PLEKHA4: variants seen among roughly 807,000 people sequenced by gnomAD.
PLEKHA4 encodes the protein pleckstrin homology domain-containing family A member 4.
PLEKHA4 carries 73 observed loss-of-function variants against 94.7 expected under a neutral mutation model. The observed-to-expected ratio is 0.77, with a 90% CI of 0.64 to 0.94. PLEKHA4 has a LOEUF of 0.94. Among genes scored for constraint, PLEKHA4 ranks in the 40% least tolerant of loss-of-function variants. PLEKHA4 has a pLI of 0.00. For missense variants in PLEKHA4, 1,049 were observed against 1,054.1 expected, an observed-to-expected ratio of 1.00 and a Z score of 0.07; for synonymous variants, 449 against 437.1, an observed-to-expected ratio of 1.03 and a Z score of -0.34.
intron 3 of PLEKHA4, among the ~76,000 whole-genome samples, 182 bp downstream of exon 3, chr19:48,865,321 C>T (rs1447782397): frequency 6.6e-6 from 1 of 151,810 alleles, no homozygotes; most frequent in African/African-American, 2.4e-5. Context: ...CCAGCCTGGG[C>T]GACAGAAAGA....
chr19:48,848,272 G>A (rs2036045439), intron 13 of PLEKHA4, among the ~76,000 whole-genome samples: 1 of 147,268 alleles, frequency 6.8e-6, no homozygotes, highest in South Asian at 2.2e-4. Context: ...GGATCACGAG[G>A]TCAGGAGATC....
chr19:48,845,360 T>C lies in PLEKHA4; in HGVS notation c.1743+10A>G. On this transcript the variant is annotated intron_variant, in intron 16 of 19. Transcript: ENST00000263265. The stretch of plus-strand genomic sequence containing the variant: ...AGATGCAAGGATTACAGGATGGACC[T>C]ACAGCTTACCTTGGTTCCTAGCTGT... 1 of 1,611,536 alleles carries C rather than the reference T, an allele frequency of 6.2e-7. No individual in the cohort carries two copies. The highest frequency in any genetic ancestry group is 8.5e-7 in the Non-Finnish European group (1 of 1,179,080).
rs754549691 is a variant in PLEKHA4 at position 48,865,600 on chromosome 19, C to G, written c.95G>C (p.Arg32Pro). The change falls in exon 3 of 20, where the codon CGG becomes CCG. Residue 32 changes from arginine (R) to proline (P), a missense_variant. Coordinates refer to ENST00000263265, the MANE Select transcript of PLEKHA4 (RefSeq NM_020904.3). ...LSSLSPKKPTRAVNKIHAFGK... is the reference protein window; with the variant it reads ...LSSLSPKKPTPAVNKIHAFGK... ...AAAGGCGTGGATCTTGTTTACTGCCCGGGTGGGCTTCTGAGGAGAGAAGGG... is the reference window on the plus strand; with the variant it reads ...AAAGGCGTGGATCTTGTTTACTGCCGGGGTGGGCTTCTGAGGAGAGAAGGG... The G allele has an allele frequency of 8.7e-6, 14 of 1,612,900 alleles. No homozygotes were observed. The highest frequency in any genetic ancestry group is 1.3e-5 in the African/African-American group (1 of 74,790).
chr19:48,841,509 C>A (rs1265049346), intron 16 of PLEKHA4, among the ~76,000 whole-genome samples, 199 bp from the exon 17 acceptor site: 1 of 151,922 alleles, frequency 6.6e-6, no homozygotes, highest in East Asian at 1.9e-4. Context: ...CACCTGTAAT[C>A]CTAATTACTC....
chr19:48,859,412 G>C, intron 7 of PLEKHA4, 57 bp downstream of exon 7: 1 of 1,586,758 alleles, frequency 6.3e-7, no homozygotes, highest in Non-Finnish European at 8.6e-7. Flanking sequence ...CCCCCAACCA[G>C]TTTCCGGCCC....
chr19:48,867,105 G>A lies in PLEKHA4; in HGVS notation c.84+432C>T, dbSNP rs148523380. ...TCCCTAAGCTTTTGGCTGGGATGCC[G>A]ATTTGGGATGCAAGTATCTGGAGGC... On this transcript the variant is annotated intron_variant, in intron 2 of 19. Coordinates refer to ENST00000263265, the MANE Select transcript of PLEKHA4 (RefSeq NM_020904.3). This position sits in a 1 kb window ranked among gnomAD's most constrained non-coding sequence, Gnocchi z 4.7. Among the ~76,000 whole-genome samples, 4 of 152,270 alleles carry A rather than the reference G, an allele frequency of 2.6e-5. No homozygotes were observed. The South Asian group carries it at 6.2e-4, about 24-fold the overall frequency.
At chr19:48,858,651 G>A (rs989391969) in intron 8 of PLEKHA4, among the ~76,000 whole-genome samples, 5 of 97,106 alleles carry the variant, frequency 5.1e-5, no homozygotes, top group Non-Finnish European at 9.3e-5. Context: ...AAAAGCAATG[G>A]CCGAAGACCA....
intron 17 of PLEKHA4, among the ~76,000 whole-genome samples, chr19:48,839,724 T>C (rs116635958): frequency 0.018 from 2,784 of 151,068 alleles, 82 homozygotes; most frequent in African/African-American, 0.064. Flanking sequence ...TAACTTTACC[T>C]GTGTTCCTAT....
intron 18 of PLEKHA4, 44 bp downstream of exon 18, chr19:48,839,161 A>T: frequency 1.3e-6 from 2 of 1,500,416 alleles, no homozygotes; most frequent in South Asian, 2.5e-5. Context: ...TGCTTTTGCA[A>T]ATTTTTTTTT....
At chr19:48,838,460 TAAA>T (rs34936332) in intron 18 of PLEKHA4, 8 of 123,050 alleles carry the variant, frequency 6.5e-5, no homozygotes, top group South Asian at 2.6e-4. Flanking sequence ...AATTAAAAAT[TAAA>T]AAAAAAAAAA....
At position 48,865,154 on chromosome 19, in the gene PLEKHA4, G is replaced by GC. The variant is rs138211060; in HGVS notation, c.192+348dup. The stretch of plus-strand genomic sequence containing the variant: ...AGGTCGGGAGTTTCAGACCGCCCTG[G>GC]CCAACATGATAAAACCCCATCTCTA... On this transcript the variant is annotated intron_variant, in intron 3 of 19. Coordinates refer to ENST00000263265, the MANE Select transcript of PLEKHA4 (RefSeq NM_020904.3). Among the ~76,000 whole-genome samples, 890 of 152,030 alleles carry GC rather than the reference G, an allele frequency of 5.9e-3. 7 individuals are homozygous for GC. Among genetic ancestry groups the GC allele is most frequent in the African/African-American group, 0.02 (840 of 41,438 alleles).
Position 48,837,334 on chromosome 19 carries a change from CTCG to C in PLEKHA4, c.2292_2294del (p.Asp764del). 6.2e-7 allele frequency: 1 copy of C among 1,613,950 alleles called. No individual in the cohort carries two copies. Among genetic ancestry groups the C allele is most frequent in the South Asian group, 1.1e-5 (1 of 91,088 alleles). On this transcript the variant is annotated inframe_deletion, in exon 20 of 20. Coordinates refer to ENST00000263265, the MANE Select transcript of PLEKHA4 (RefSeq NM_020904.3). This position sits in a 1 kb window ranked among gnomAD's most constrained non-coding sequence, Gnocchi z 4.3. ...GAGTGACTCGCAGAGGCCATGCCCC[CTCG>C]TCTTGTGGCAGGACCGGAGGGGCGA... is the stretch of plus-strand genomic sequence containing the variant.
intron 3 of PLEKHA4, 73 bp from the exon 4 acceptor site, chr19:48,861,765 G>A (rs1253415221): frequency 1.5e-6 from 2 of 1,326,324 alleles, no homozygotes; most frequent in Non-Finnish European, 2.1e-6. Context: ...GTGACGATGG[G>A]GACAGAGAGC....
In PLEKHA4 at chr19:48,854,030, TCTC is replaced by T. The variant is rs1397088304; in HGVS notation, c.1150_1152del (p.Glu384del). On this transcript the variant is annotated inframe_deletion, in exon 11 of 20. Coordinates refer to ENST00000263265, the MANE Select transcript of PLEKHA4 (RefSeq NM_020904.3). ...ACCTTCTCCTCCTGCTTCTGGTCTA[TCTC>T]CTCCTGCAGCCTCCGCAGAAGCCGG... is the stretch of plus-strand genomic sequence containing the variant. 5 of 1,613,884 alleles carry T rather than the reference TCTC, an allele frequency of 3.1e-6. No individual in the cohort carries two copies. The highest frequency in any genetic ancestry group is 1.3e-5 in the African/African-American group (1 of 74,860).
At chr19:48,853,215 C>T (rs981146139) in intron 12 of PLEKHA4, among the ~76,000 whole-genome samples, 13 of 151,956 alleles carry the variant, frequency 8.6e-5, no homozygotes, top group African/African-American at 1.2e-4. Context: ...CTCATTTTCA[C>T]GTATCACATA....
rs370885533 is a variant in PLEKHA4 at position 48,841,211 on chromosome 19, G to C, written c.1843C>G (p.Arg615Gly). ...GRPFPRPTSPRLLTLGRTLSP... is the reference protein window; with the variant it reads ...GRPFPRPTSPGLLTLGRTLSP... Reference sequence around the variant, plus strand: ...AGTGTCCTTCCCAGGGTGAGAAGCCGGGGGGAGGTCGGGCGAGGGAAGGGC... The same window carrying C: ...AGTGTCCTTCCCAGGGTGAGAAGCCCGGGGGAGGTCGGGCGAGGGAAGGGC... Residue 615 changes from arginine (R) to glycine (G), a missense_variant, in exon 17 of 20, where the codon CGG becomes GGG. Transcript: ENST00000263265. The C allele has an allele frequency of 3.1e-6, 5 of 1,612,676 alleles. No individual in the cohort carries two copies. Among genetic ancestry groups the C allele is most frequent in the East Asian group, 2.2e-5 (1 of 44,850 alleles).
intron 13 of PLEKHA4, among the ~76,000 whole-genome samples, 163 bp downstream of exon 13, chr19:48,852,065 G>A (rs553815584): frequency 6.6e-6 from 1 of 152,222 alleles, no homozygotes; most frequent in South Asian, 2.1e-4. Context: ...CAAAGGGCAT[G>A]GTCTTAACTA....
chr19:48,861,295 G>A, intron 5 of PLEKHA4, 106 bp downstream of exon 5: 1 of 925,414 alleles, frequency 1.1e-6, no homozygotes, highest in Admixed American at 1.8e-5. Flanking sequence ...CTCCAGTAAT[G>A]GATATTCCAG....
chr19:48,857,514 A>G lies in PLEKHA4; in HGVS notation c.973-18T>C, dbSNP rs747874111. ...GAGTGTGCCTGGGAGGAACGTTGAA[A>G]TGGAGATGTTTAGAAACTGGCATGT... is the stretch of plus-strand genomic sequence containing the variant. On this transcript the variant is annotated intron_variant, in intron 8 of 19. Transcript: ENST00000263265. 41 of 1,464,696 alleles carry G rather than the reference A, an allele frequency of 2.8e-5. No homozygotes were observed. Among genetic ancestry groups the G allele is most frequent in the Non-Finnish European group, 3.7e-5 (39 of 1,061,734 alleles). The allele number at this position is 1,464,696 out of a possible 1,614,324, so 90.7% of individuals were successfully genotyped here. A position where few individuals can be genotyped will look rare whatever the true frequency, so the allele number is the denominator to read the frequency against.
Sources: allele counts gnomAD v4.1 joint callset (sites outside exome capture counted in the v4.1 genomes callset), GRCh38; gene constraint gnomAD v4.1.1; non-coding constraint Gnocchi (gnomAD v3.1); transcripts MANE v1.5; gene names NCBI Gene and HGNC (gene_info 2026-07-23, HGNC 2026-07-21).